Variants in NRG3 observed in about 807,000 individuals in gnomAD.
NRG3 encodes the protein neuregulin 3.
In NRG3, 31 loss-of-function variants were observed where a neutral mutation model predicts 66.9. The observed-to-expected ratio is 0.46, with a 90% CI of 0.35 to 0.63. NRG3 has a LOEUF of 0.63. NRG3 is among the 20% of genes least tolerant of loss of function. The pLI is 0.00. For missense variants in NRG3, 910 were observed against 878.9 expected, an observed-to-expected ratio of 1.04 and a Z score of -0.45; for synonymous variants, 393 against 359.4, an observed-to-expected ratio of 1.09 and a Z score of -1.06.
intron 2 of NRG3, among the ~76,000 whole-genome samples, chr10:82,406,501 T>G (rs2087531016): frequency 6.6e-6 from 1 of 152,250 alleles, no homozygotes; most frequent in Non-Finnish European, 1.5e-5. Flanking sequence ...TGTCTTCTCC[T>G]TCAGTCACTT....
intron 1 of NRG3, chr10:81,878,023 A>G: frequency 6.5e-7 from 1 of 1,537,664 alleles, no homozygotes; most frequent in Non-Finnish European, 8.7e-7. Context: ...TACACACGGT[A>G]GGGGTATTTC....
chr10:82,787,729 C>CT (rs1318946934), intron 3 of NRG3, among the ~76,000 whole-genome samples: 1 of 152,156 alleles, frequency 6.6e-6, no homozygotes, highest in Non-Finnish European at 1.5e-5. Context: ...TGTTACTGCT[C>CT]TTTTTTCAGT....
chr10:82,003,477 G>A (rs903016433), intron 1 of NRG3, among the ~76,000 whole-genome samples: 1 of 152,174 alleles, frequency 6.6e-6, no homozygotes, highest in Non-Finnish European at 1.5e-5. Context: ...GTAAAGTAAA[G>A]AAAGAGAAGG....
At chr10:82,925,351 C>G (rs1298805888) in intron 4 of NRG3, among the ~76,000 whole-genome samples, 1 of 152,184 alleles carries the variant, frequency 6.6e-6, no homozygotes, top group Non-Finnish European at 1.5e-5. Flanking sequence ...TTTTCTTGAA[C>G]TTGAACTTAT....
At chr10:82,503,387 A>G (rs1365760783) in intron 2 of NRG3, among the ~76,000 whole-genome samples, 1 of 152,202 alleles carries the variant, frequency 6.6e-6, no homozygotes, top group African/African-American at 2.4e-5. Flanking sequence ...GAACTTTGGT[A>G]GTAGAAAGTA....
At chr10:82,289,777 C>A (rs1181064266) in intron 1 of NRG3, among the ~76,000 whole-genome samples, 4 of 151,898 alleles carry the variant, frequency 2.6e-5, no homozygotes, top group South Asian at 2.1e-4. Flanking sequence ...ATAATGATTC[C>A]CCAGTTAATG....
chr10:82,738,775 A>C (rs1399471631), intron 3 of NRG3, 125 bp downstream of exon 3: 1 of 786,226 alleles, frequency 1.3e-6, no homozygotes, highest in East Asian at 2.6e-5. Context: ...CAAGGACAGA[A>C]GCTGATGGCA....
intron 2 of NRG3, among the ~76,000 whole-genome samples, chr10:82,715,542 A>G (rs900231258): frequency 3.3e-5 from 5 of 152,170 alleles, no homozygotes; most frequent in Non-Finnish European, 5.9e-5. Context: ...ACATTCTTTG[A>G]ACATCAGTTT....
At chr10:82,930,127 CAT>C (rs1210073119) in intron 4 of NRG3, among the ~76,000 whole-genome samples, 5 of 152,094 alleles carry the variant, frequency 3.3e-5, no homozygotes, top group Admixed American at 6.6e-5. Flanking sequence ...AAGGTAATAA[CAT>C]GTGTGAGTAG....
At chr10:81,963,493 T>C (rs1256253773) in intron 1 of NRG3, among the ~76,000 whole-genome samples, 1 of 152,170 alleles carries the variant, frequency 6.6e-6, no homozygotes, top group Non-Finnish European at 1.5e-5. Flanking sequence ...TTACCAAAAA[T>C]GCTTAAAATA....
intron 2 of NRG3, among the ~76,000 whole-genome samples, chr10:82,724,444 G>A (rs959074449): frequency 1.3e-5 from 2 of 152,096 alleles, no homozygotes; most frequent in East Asian, 1.9e-4. Flanking sequence ...TCCTTTAGCC[G>A]GCAGAAATGC....
intron 4 of NRG3, among the ~76,000 whole-genome samples, chr10:82,946,234 G>A (rs1171328699): frequency 2.0e-5 from 3 of 150,516 alleles, no homozygotes; most frequent in African/African-American, 7.3e-5. Context: ...AAAAAGTGGA[G>A]TGGTCCTTTA....
intron 1 of NRG3, among the ~76,000 whole-genome samples, chr10:82,051,464 T>C (rs1433044257): frequency 6.6e-6 from 1 of 152,146 alleles, no homozygotes; most frequent in Non-Finnish European, 1.5e-5. Context: ...GAAACCCAAA[T>C]GTGCCGAAGT....
At chr10:82,604,072 T>C (rs2047806157) in intron 2 of NRG3, among the ~76,000 whole-genome samples, 1 of 152,086 alleles carries the variant, frequency 6.6e-6, no homozygotes, top group African/African-American at 2.4e-5. Context: ...AAGGCCATAG[T>C]TTATGTTAAA....
chr10:81,875,874 C>T lies in NRG3; in HGVS notation c.534C>T (p.Ser178=). The change falls in exon 1 of 9, where the codon AGC becomes AGT. Residue 178 remains serine, a synonymous_variant. Transcript: ENST00000372141. The surrounding 1 kb of genome is among the most constrained non-coding windows in gnomAD (Gnocchi z 5.3). ...FPGHRVPIRA[S]PRSTTARNTA... ...GGCACCGGGTGCCCATCCGGGCCAG[C>T]CCGCGCTCCACCACAGCACGGAACA... The T allele has an allele frequency of 6.2e-7, 1 of 1,611,044 alleles. No individual in the cohort carries two copies. The highest frequency in any genetic ancestry group is 2.2e-5 in the East Asian group (1 of 44,848).
At chr10:82,363,742 C>T (rs2084341500) in intron 2 of NRG3, among the ~76,000 whole-genome samples, 1 of 152,186 alleles carries the variant, frequency 6.6e-6, no homozygotes, top group African/African-American at 2.4e-5. Context: ...CAGGCGTGAG[C>T]CACCACACCT....
intron 2 of NRG3, among the ~76,000 whole-genome samples, chr10:82,383,166 C>T (rs773424818): frequency 6.6e-5 from 10 of 151,844 alleles, no homozygotes; most frequent in Non-Finnish European, 1.0e-4. Context: ...TATTTGTTTT[C>T]GGTAGGGTAA....
intron 1 of NRG3, among the ~76,000 whole-genome samples, chr10:82,293,881 T>G (rs1188348105): frequency 1.3e-5 from 2 of 152,104 alleles, no homozygotes; most frequent in Non-Finnish European, 2.9e-5. Context: ...TCTGGAATTT[T>G]TCTATGCCTC....
At chr10:82,761,108 A>T (rs923364958) in intron 3 of NRG3, among the ~76,000 whole-genome samples, 1 of 151,952 alleles carries the variant, frequency 6.6e-6, no homozygotes, top group African/African-American at 2.4e-5. Flanking sequence ...AAAAAACTCT[A>T]AAACTTTGAG....
Sources: allele counts gnomAD v4.1 joint callset (sites outside exome capture counted in the v4.1 genomes callset), GRCh38; gene constraint gnomAD v4.1.1; non-coding constraint Gnocchi (gnomAD v3.1); transcripts MANE v1.5; gene names NCBI Gene and HGNC (gene_info 2026-07-23, HGNC 2026-07-21).